The following ITPK1 variants were observed in gnomAD, a reference collection of about 807,000 sequenced individuals.
The protein encoded by ITPK1 is inositol 1,3,4-trisphosphate 5/6-kinase.
In ITPK1, 21 loss-of-function variants were observed where a neutral mutation model predicts 45.3. The ratio of observed to expected loss-of-function variants is 0.46; its 90% confidence interval spans 0.33 to 0.67. ITPK1 has a LOEUF of 0.67. Among genes scored for constraint, ITPK1 ranks in the 30% least tolerant of loss-of-function variants. ITPK1 has a pLI of 0.02. For synonymous variants in ITPK1, 258 were observed against 253.6 expected (o/e 1.02, Z -0.16); for missense variants, 474 against 573.5 (o/e 0.83, Z 1.77).
chr14:93,024,418 G>A lies in ITPK1; in HGVS notation c.121-7617C>T, dbSNP rs563592965. Among the ~76,000 whole-genome samples the A allele has an allele frequency of 2.0e-5, 3 of 152,320 alleles. No individual in the cohort carries two copies. In the South Asian group the frequency reaches 6.2e-4, roughly 32 times the overall value. On this transcript the variant is annotated intron_variant, in intron 3 of 10. Coordinates refer to ENST00000267615, the MANE Select transcript of ITPK1 (RefSeq NM_014216.6). ...TCCTCGCCTGTGGAGTGAGGGTAAAGAAATATCCTTCCTATAGTCGCGATG... is the reference window on the plus strand; with the variant it reads ...TCCTCGCCTGTGGAGTGAGGGTAAAAAAATATCCTTCCTATAGTCGCGATG...
At chr14:93,066,225 C>T (rs1270386989) in intron 3 of ITPK1, 1 of 455,782 alleles carries the variant, frequency 2.2e-6, no homozygotes, top group African/African-American at 2.0e-5. Flanking sequence ...CCACGTGCTC[C>T]TCAGAGACCA....
chr14:92,991,850 TC>T (rs1886805171), intron 5 of ITPK1, among the ~76,000 whole-genome samples: 2 of 152,094 alleles, frequency 1.3e-5, no homozygotes, highest in Admixed American at 1.3e-4. Flanking sequence ...GGTCCTGCCA[TC>T]GTGGTGGGAA....
intron 10 of ITPK1, 57 bp from the exon 11 acceptor site, chr14:92,941,961 G>GGGAGGA: frequency 6.8e-7 from 1 of 1,476,756 alleles, no homozygotes; most frequent in Non-Finnish European, 9.3e-7. Context: ...GCATCATGCA[G>GGGAGGA]GGAGGAGGAG....
At chr14:93,114,286 A>G (rs1892856165) in intron 2 of ITPK1, among the ~76,000 whole-genome samples, 1 of 152,190 alleles carries the variant, frequency 6.6e-6, no homozygotes, top group Admixed American at 6.5e-5. Context: ...GATCTGTTAA[A>G]CACCGGAGAC....
chr14:93,059,880 G>C (rs1447102611), intron 3 of ITPK1, among the ~76,000 whole-genome samples: 1 of 148,898 alleles, frequency 6.7e-6, no homozygotes, highest in African/African-American at 2.5e-5. Flanking sequence ...CACGAGGCAG[G>C]GGTGGAGGGG....
At chr14:92,966,756 T>C (rs562202153) in intron 5 of ITPK1, among the ~76,000 whole-genome samples, 7 of 152,328 alleles carry the variant, frequency 4.6e-5, no homozygotes, top group African/African-American at 1.7e-4. Flanking sequence ...TACAGATCAA[T>C]GGAATAGAAC....
At chr14:92,950,906 C>T (rs1007494944) in intron 9 of ITPK1, among the ~76,000 whole-genome samples, 1 of 152,248 alleles carries the variant, frequency 6.6e-6, no homozygotes, top group South Asian at 2.1e-4. Flanking sequence ...TGAGGGATGG[C>T]GATGTTCCCT....
In ITPK1 at chr14:92,946,512, A is replaced by C; in HGVS notation, c.739-19T>G. ...TGTCCAGCTGCCAACATACACAAGG[A>C]AGTCAGGCCATGGGCCGAGGAGCTG... On this transcript the variant is annotated intron_variant, in intron 9 of 10. Transcript: ENST00000267615. 1 of 1,610,902 alleles carries C rather than the reference A, an allele frequency of 6.2e-7. No homozygotes were observed. The highest frequency in any genetic ancestry group is 8.5e-7 in the Non-Finnish European group (1 of 1,179,298).
rs760746100 is a variant in ITPK1, at chr14:92,993,983, G to A, written c.261C>T (p.Ala87=). 13 of 1,612,078 alleles carry A rather than the reference G, an allele frequency of 8.1e-6. No individual in the cohort carries two copies. The South Asian group carries it at 1.3e-4, about 16-fold the overall frequency. ...LVHRFQEYID[A]HPETIVLDPL... ...GGTCCAGGACGATGGTCTCAGGGTG[G>A]GCATCGATGTACTCCTGAAAGGGAA... is the stretch of plus-strand genomic sequence containing the variant. The change falls in exon 5 of 11, where the codon GCC becomes GCT. Residue 87 remains alanine, a synonymous_variant. Coordinates refer to ENST00000267615, the MANE Select transcript of ITPK1 (RefSeq NM_014216.6).
chr14:93,067,217 T>C (rs984998862), intron 3 of ITPK1, among the ~76,000 whole-genome samples: 1 of 152,174 alleles, frequency 6.6e-6, no homozygotes, highest in African/African-American at 2.4e-5. Flanking sequence ...CACGCTCCAC[T>C]GAGGCCACGG....
chr14:92,977,771 T>A (rs999212816), intron 5 of ITPK1, among the ~76,000 whole-genome samples: 2 of 151,944 alleles, frequency 1.3e-5, no homozygotes, highest in African/African-American at 4.9e-5. Flanking sequence ...GCCTTCTGTA[T>A]AGCCTGTGGA....
chr14:93,040,147 T>C (rs1459433616), intron 3 of ITPK1, among the ~76,000 whole-genome samples: 1 of 152,266 alleles, frequency 6.6e-6, no homozygotes, highest in Non-Finnish European at 1.5e-5. Context: ...TCCACACGTC[T>C]GGCAGGCTCT....
intron 3 of ITPK1, among the ~76,000 whole-genome samples, chr14:93,031,377 G>A (rs1231053052): frequency 6.6e-6 from 1 of 152,228 alleles, no homozygotes; most frequent in Non-Finnish European, 1.5e-5. Flanking sequence ...AGTCCCTTTG[G>A]AGAGACCGCT....
chr14:93,048,615 G>A (rs541279334), intron 3 of ITPK1, among the ~76,000 whole-genome samples: 7 of 152,182 alleles, frequency 4.6e-5, no homozygotes, highest in Non-Finnish European at 1.0e-4. Flanking sequence ...CGGGGAAGAA[G>A]GGGCCAGGGC....
At chr14:92,949,389 C>T (rs1294270218) in intron 9 of ITPK1, among the ~76,000 whole-genome samples, 3 of 152,242 alleles carry the variant, frequency 2.0e-5, no homozygotes, top group East Asian at 1.9e-4. Context: ...TATGAGCCAC[C>T]GCGCCCAGCC....
intron 3 of ITPK1, among the ~76,000 whole-genome samples, chr14:93,035,575 T>A (rs988862493): frequency 5.4e-4 from 76 of 139,470 alleles, no homozygotes; most frequent in Non-Finnish European, 1.1e-4. Flanking sequence ...GAGGCCATGC[T>A]GCCTAGGAAA....
intron 3 of ITPK1, among the ~76,000 whole-genome samples, chr14:93,041,739 G>A (rs1212520496): frequency 6.6e-6 from 1 of 152,206 alleles, no homozygotes; most frequent in East Asian, 1.9e-4. Context: ...ACCAGGGGGT[G>A]GGTCTGGCTG....
chr14:93,080,666 C>T (rs1334631646), intron 2 of ITPK1, among the ~76,000 whole-genome samples: 1 of 152,234 alleles, frequency 6.6e-6, no homozygotes, highest in Non-Finnish European at 1.5e-5. Context: ...TCATACTTCC[C>T]TGTGTTTTCC....
At position 93,076,363 on chromosome 14, in the gene ITPK1, C is replaced by A. The variant is rs538335900; in HGVS notation, c.120+232G>T. 1.2e-3 allele frequency among the ~76,000 whole-genome samples: 186 copies of A among 152,224 alleles called. 2 individuals are homozygous for A. Among genetic ancestry groups the A allele is most frequent in the African/African-American group, 4.3e-3 (177 of 41,530 alleles). ...ACCCCCCTCAGGACTCCCAAACCAACCCTCTCCCCACTGACAAAGCCACAG... is the reference window on the plus strand; with the variant it reads ...ACCCCCCTCAGGACTCCCAAACCAAACCTCTCCCCACTGACAAAGCCACAG... On this transcript the variant is annotated intron_variant, in intron 3 of 10. Coordinates refer to ENST00000267615, the MANE Select transcript of ITPK1 (RefSeq NM_014216.6). This position sits in a 1 kb window ranked among gnomAD's most constrained non-coding sequence, Gnocchi z 4.3.
Sources: allele counts gnomAD v4.1 joint callset (sites outside exome capture counted in the v4.1 genomes callset), GRCh38; gene constraint gnomAD v4.1.1; non-coding constraint Gnocchi (gnomAD v3.1); transcripts MANE v1.5; gene names NCBI Gene and HGNC (gene_info 2026-07-23, HGNC 2026-07-21).